HELQ: variants seen among roughly 807,000 people sequenced by gnomAD.
HELQ encodes the protein helicase POLQ-like.
In HELQ, 77 loss-of-function variants were observed where a neutral mutation model predicts 111.6. That is an observed-to-expected ratio of 0.69 (90% CI 0.57 to 0.83). HELQ has a LOEUF of 0.83. Among genes scored for constraint, HELQ ranks in the 40% least tolerant of loss-of-function variants. The pLI, the probability that HELQ is intolerant of heterozygous loss-of-function variation, is 0.00. For missense variants in HELQ, 1,200 were observed against 1,288.5 expected (o/e 0.93, Z 1.05); for synonymous variants, 438 against 454.7 (o/e 0.96, Z 0.47).
chr4:83,417,712 C>T (rs1739439290), intron 16 of HELQ, among the ~76,000 whole-genome samples: 1 of 152,164 alleles, frequency 6.6e-6, no homozygotes, highest in Admixed American at 6.5e-5. Flanking sequence ...ATACAAATGA[C>T]CCTTTCTGCC....
intron 13 of HELQ, 98 bp downstream of exon 13, chr4:83,427,465 G>A (rs1201210718): frequency 3.0e-6 from 3 of 998,286 alleles, no homozygotes; most frequent in Middle Eastern, 2.3e-4. Context: ...GACCAGCCTG[G>A]GCAACATGGC....
intron 13 of HELQ, among the ~76,000 whole-genome samples, chr4:83,427,219 A>C (rs1245319681): frequency 6.6e-6 from 1 of 152,146 alleles, no homozygotes; most frequent in East Asian, 1.9e-4. Flanking sequence ...AAATATGTTT[A>C]TATTTAAGAG....
chr4:83,435,339 G>A (rs947063337), intron 9 of HELQ, among the ~76,000 whole-genome samples: 3 of 151,818 alleles, frequency 2.0e-5, no homozygotes, highest in Non-Finnish European at 4.4e-5. Context: ...AAAAGTTTCT[G>A]GAAAAGAAAA....
chr4:83,421,847 A>C (rs1021573107), intron 14 of HELQ, 111 bp from the exon 15 acceptor site: 2 of 748,866 alleles, frequency 2.7e-6, no homozygotes, highest in Non-Finnish European at 4.5e-6. Flanking sequence ...CAAGGATAGA[A>C]TAATTCCATA....
chr4:83,455,800 G>A lies in HELQ; in HGVS notation c.-107C>T, dbSNP rs1029622118. ...GGAGCCCGCTTCTACATCCACCTTG[G>A]GAAAAGACCCCAAGTTAGCTCTCAG... On this transcript the variant is annotated 5_prime_UTR_variant, in exon 1 of 18. Transcript: ENST00000295488. 8.8e-7 allele frequency: 1 copy of A among 1,136,158 alleles called. No individual in the cohort carries two copies. Among genetic ancestry groups the A allele is most frequent in the Non-Finnish European group, 1.3e-6 (1 of 791,838 alleles). The allele number at this position is 1,136,158 out of a possible 1,614,324, so 70.4% of individuals were successfully genotyped here.
chr4:83,417,309 T>G (rs1739415956), intron 16 of HELQ, among the ~76,000 whole-genome samples: 1 of 152,070 alleles, frequency 6.6e-6, no homozygotes, highest in South Asian at 2.1e-4. Flanking sequence ...TTCACAAAAT[T>G]TTCTTGCCTC....
At chr4:83,452,239 G>A (rs1439412041) in intron 2 of HELQ, among the ~76,000 whole-genome samples, 2 of 152,042 alleles carry the variant, frequency 1.3e-5, no homozygotes, top group Admixed American at 1.3e-4. Context: ...AAAACATTAT[G>A]AGATTTTTTT....
At chr4:83,447,967 T>TG (rs1246549694) in intron 3 of HELQ, among the ~76,000 whole-genome samples, 1 of 151,982 alleles carries the variant, frequency 6.6e-6, no homozygotes, top group Non-Finnish European at 1.5e-5. Flanking sequence ...CCCAGCACTT[T>TG]GGGGGGCCGA....
At chr4:83,428,074 T>C (rs12642149) in intron 12 of HELQ, among the ~76,000 whole-genome samples, 53,334 of 152,008 alleles carry the variant, frequency 0.35, 11,206 homozygotes, top group East Asian at 0.67. Flanking sequence ...ATCCATACTA[T>C]AGATGACTGT....
chr4:83,431,174 T>C (rs928733324), intron 11 of HELQ, among the ~76,000 whole-genome samples: 1 of 150,164 alleles, frequency 6.7e-6, no homozygotes, highest in African/African-American at 2.5e-5. Context: ...CCTAGCACTT[T>C]GGGAGGCTAA....
intron 12 of HELQ, among the ~76,000 whole-genome samples, chr4:83,429,310 C>T (rs1417240777): frequency 6.6e-6 from 1 of 151,946 alleles, no homozygotes; most frequent in Non-Finnish European, 1.5e-5. Context: ...CCATGCCTGG[C>T]TAATTTTTTT....
At chr4:83,410,332 AG>A (rs1219403560) in intron 17 of HELQ, among the ~76,000 whole-genome samples, 5 of 152,230 alleles carry the variant, frequency 3.3e-5, no homozygotes, top group Admixed American at 3.3e-4. Flanking sequence ...AATGTATAAC[AG>A]CCACACTGAA....
chr4:83,447,432 T>C (rs760843087), intron 3 of HELQ, among the ~76,000 whole-genome samples: 3 of 152,148 alleles, frequency 2.0e-5, no homozygotes, highest in Non-Finnish European at 4.4e-5. Flanking sequence ...GCTAAAGTAG[T>C]GTTTAATACC....
chr4:83,441,475 A>T (rs898244687), intron 6 of HELQ, 72 bp from the exon 7 acceptor site: 2 of 714,614 alleles, frequency 2.8e-6, no homozygotes, highest in African/African-American at 3.7e-5. Flanking sequence ...AATATTGTAA[A>T]ATAGGTTAAG....
At chr4:83,428,676 GT>G (rs1489686315) in intron 12 of HELQ, among the ~76,000 whole-genome samples, 1 of 152,078 alleles carries the variant, frequency 6.6e-6, no homozygotes, top group Admixed American at 6.6e-5. Flanking sequence ...GGCCAAATGT[GT>G]TGTCTCATGC....
rs542265468 is a variant in HELQ at position 83,454,034 on chromosome 4, T to C, written c.298-89A>G. On this transcript the variant is annotated intron_variant, in intron 1 of 17. Coordinates refer to ENST00000295488, the MANE Select transcript of HELQ (RefSeq NM_133636.5). ...GCCTGGCCAACATGGTCAAACCCCG[T>C]GTCTACAGAAAATACAAAAATTAGC... 5.7e-5 allele frequency: 46 copies of C among 804,852 alleles called. No homozygotes were observed. In the African/African-American group the frequency reaches 6.5e-4, roughly 11 times the overall value. 49.9% of individuals were successfully genotyped at this position (804,852 alleles called of 1,614,324 possible).
chr4:83,422,716 T>C (rs1719605835), intron 14 of HELQ, among the ~76,000 whole-genome samples: 2 of 152,198 alleles, frequency 1.3e-5, no homozygotes, highest in African/African-American at 2.4e-5. Context: ...ATTTCTGTTG[T>C]TTTAAGCCAC....
chr4:83,420,794 C>T (rs985255300), intron 15 of HELQ, among the ~76,000 whole-genome samples: 1 of 151,818 alleles, frequency 6.6e-6, no homozygotes, highest in Non-Finnish European at 1.5e-5. Flanking sequence ...AAAAATTAGC[C>T]AGGTGTGGTG....
chr4:83,418,754 A>T (rs1739493906), intron 15 of HELQ, among the ~76,000 whole-genome samples: 1 of 152,178 alleles, frequency 6.6e-6, no homozygotes, highest in Admixed American at 6.6e-5. Flanking sequence ...TAGCCTTTGG[A>T]TATCACTGTG....
Sources: allele counts gnomAD v4.1 joint callset (sites outside exome capture counted in the v4.1 genomes callset), GRCh38; gene constraint gnomAD v4.1.1; transcripts MANE v1.5; gene names NCBI Gene and HGNC (gene_info 2026-07-23, HGNC 2026-07-21).